Variants in BRD4 observed in about 807,000 individuals in gnomAD.
BRD4 encodes bromodomain-containing protein 4.
Under a neutral mutation model 142.1 loss-of-function variants are expected in BRD4, and 16 were observed. The ratio of observed to expected loss-of-function variants is 0.11; its 90% CI spans 0.08 to 0.17. The LOEUF is 0.17. BRD4 is among the 10% of genes least tolerant of loss of function. The probability of loss-of-function intolerance (pLI) is 1.00; values close to 1 mark genes in which losing one functional copy is unlikely to be tolerated. For missense variants in BRD4, 1,424 were observed against 1,810.9 expected (o/e 0.79, Z 3.88); for synonymous variants, 833 against 707.5 (o/e 1.18, Z -2.82).
At chr19:15,305,850 T>A (rs2047909442) in intron 1 of BRD4, among the ~76,000 whole-genome samples, 1 of 152,266 alleles carries the variant, frequency 6.6e-6, no homozygotes, top group Non-Finnish European at 1.5e-5. Flanking sequence ...TAGCCACCTT[T>A]ATCAATTATC....
chr19:15,250,332 G>A (rs2047331107), intron 11 of BRD4, among the ~76,000 whole-genome samples: 2 of 152,146 alleles, frequency 1.3e-5, no homozygotes, highest in Admixed American at 1.3e-4. Context: ...ATTCCCCTAG[G>A]TAAGCGCCAC....
intron 1 of BRD4, among the ~76,000 whole-genome samples, chr19:15,319,788 T>G (rs2048045961): frequency 1.3e-5 from 2 of 150,812 alleles, no homozygotes; most frequent in Admixed American, 6.6e-5. Context: ...ATACCAAAAT[T>G]AGATGAGTGT....
chr19:15,255,779 T>C (rs1376415434), intron 9 of BRD4, among the ~76,000 whole-genome samples, 187 bp from the exon 10 acceptor site: 2 of 152,196 alleles, frequency 1.3e-5, no homozygotes, highest in African/African-American at 4.8e-5. Context: ...AAGCAAACTG[T>C]GACTGGAGGC....
chr19:15,275,181 A>G (rs1380683079), intron 1 of BRD4, among the ~76,000 whole-genome samples: 1 of 152,192 alleles, frequency 6.6e-6, no homozygotes, highest in African/African-American at 2.4e-5. Context: ...TTCTGTTCAC[A>G]AGAGGAAAAA....
In BRD4 at chr19:15,301,270, C is replaced by T. The variant is rs776933530; in HGVS notation, c.-34-28137G>A. Among the ~76,000 whole-genome samples the T allele has an allele frequency of 4.6e-5, 7 of 152,174 alleles. No individual in the cohort carries two copies. The South Asian group carries it at 6.2e-4, about 14-fold the overall frequency. On this transcript the variant is annotated intron_variant, in intron 1 of 19. Transcript: ENST00000679869. ...TCATAGACACAGAAAACAGATCAAT[C>T]GTTGCTGAGGAGCCGGACACGGTGG...
intron 1 of BRD4, among the ~76,000 whole-genome samples, chr19:15,287,840 G>A (rs550016922): frequency 4.0e-5 from 6 of 151,730 alleles, no homozygotes; most frequent in Admixed American, 6.6e-5. Context: ...TACGATCTAG[G>A]CTCATTGCAA....
Position 15,237,420 on chromosome 19 carries a change from A to G in BRD4, c.*957T>C, listed in dbSNP as rs2047202120. 1.3e-5 allele frequency: 3 copies of G among 223,100 alleles called. No homozygotes were observed. Among genetic ancestry groups the G allele is most frequent in the Non-Finnish European group, 2.7e-5 (3 of 112,110 alleles). 13.8% of individuals were successfully genotyped at this position (223,100 alleles called of 1,614,324 possible). ...TTCTTTTTTCACACCAGTTTGGTGG[A>G]GTCACCAACAAACTTCAAACAAAGA... On this transcript the variant is annotated 3_prime_UTR_variant, in exon 20 of 20. Transcript: ENST00000679869.
intron 2 of BRD4, among the ~76,000 whole-genome samples, chr19:15,270,960 G>A (rs185042477): frequency 1.1e-3 from 172 of 152,276 alleles, no homozygotes; most frequent in African/African-American, 3.9e-3. Flanking sequence ...TAATGAGGGC[G>A]ACGTCAACAG....
chr19:15,252,678 G>A (rs1387247819), intron 11 of BRD4, among the ~76,000 whole-genome samples: 7 of 152,242 alleles, frequency 4.6e-5, no homozygotes, highest in Non-Finnish European at 2.9e-5. Context: ...AGATGAAAGG[G>A]TGAAGGATGG....
chr19:15,283,572 GACC>G (rs895533398), intron 1 of BRD4, among the ~76,000 whole-genome samples: 7 of 152,148 alleles, frequency 4.6e-5, no homozygotes, highest in African/African-American at 1.7e-4. Flanking sequence ...CATGGTTCAT[GACC>G]ACAATGCCTG....
At chr19:15,279,510 G>A (rs1317826214) in intron 1 of BRD4, among the ~76,000 whole-genome samples, 1 of 152,120 alleles carries the variant, frequency 6.6e-6, no homozygotes, top group African/African-American at 2.4e-5. Flanking sequence ...CTTCAAAGGG[G>A]CTTTCAGGGT....
chr19:15,314,421 G>C (rs1168623535), intron 1 of BRD4, among the ~76,000 whole-genome samples: 1 of 152,132 alleles, frequency 6.6e-6, no homozygotes. Flanking sequence ...CCAGATTAAA[G>C]CAAATTCACT....
chr19:15,313,930 G>A (rs563823176), intron 1 of BRD4, among the ~76,000 whole-genome samples: 9 of 152,188 alleles, frequency 5.9e-5, no homozygotes, highest in South Asian at 2.1e-4. Flanking sequence ...AGTGCTTGCC[G>A]GAAAAACTCC....
chr19:15,253,881 G>A (rs548264741), intron 11 of BRD4: 16 of 1,077,006 alleles, frequency 1.5e-5, no homozygotes, highest in Non-Finnish European at 2.1e-5. Flanking sequence ...GGGCTCCGCA[G>A]TGTCAACGCC....
intron 1 of BRD4, among the ~76,000 whole-genome samples, chr19:15,307,345 G>A (rs1301815024): frequency 6.6e-6 from 1 of 152,156 alleles, no homozygotes; most frequent in Admixed American, 6.5e-5. Flanking sequence ...GAGTGCTTCT[G>A]CTACCCAATC....
chr19:15,308,182 A>G lies in BRD4; in HGVS notation c.-35+24108T>C, dbSNP rs1054723449. The stretch of plus-strand genomic sequence containing the variant: ...GGGGGGGGTGGGTCGCGTAGTGAAG[A>G]AAAAAAAGAAAGGGGGCAAGTCAAA... On this transcript the variant is annotated intron_variant, in intron 1 of 19. Transcript: ENST00000679869. 2.3e-4 allele frequency among the ~76,000 whole-genome samples: 32 copies of G among 138,558 alleles called. 1 individual carries two copies. Among genetic ancestry groups the G allele is most frequent in the African/African-American group, 7.6e-4 (29 of 38,006 alleles). 90.9% of individuals were successfully genotyped at this position (138,558 alleles called of 152,430 possible).
At chr19:15,314,137 G>A (rs1232230376) in intron 1 of BRD4, among the ~76,000 whole-genome samples, 1 of 152,198 alleles carries the variant, frequency 6.6e-6, no homozygotes. Flanking sequence ...TTGAACTTTC[G>A]TTCGCACTTC....
chr19:15,263,346 G>C, intron 7 of BRD4, 74 bp downstream of exon 7: 1 of 1,530,150 alleles, frequency 6.5e-7, no homozygotes, highest in South Asian at 1.2e-5. Flanking sequence ...ACTCTGCCAA[G>C]GCCCACAGAA....
chr19:15,273,223 G>C, intron 1 of BRD4, 90 bp from the exon 2 acceptor site: 1 of 1,349,272 alleles, frequency 7.4e-7, no homozygotes, highest in Non-Finnish European at 1.0e-6. Context: ...TGGTCTCCAA[G>C]GACTGAGTTC....
Sources: gnomAD v4.1 joint callset for allele counts (sites outside exome capture counted in the v4.1 genomes callset) on GRCh38, gnomAD v4.1.1 for gene constraint, MANE v1.5 for transcripts, NCBI Gene and HGNC (gene_info 2026-07-23, HGNC 2026-07-21) for gene names.